CSMD1: variants seen among roughly 807,000 people sequenced by gnomAD.
CSMD1 encodes the protein CUB and sushi domain-containing protein 1.
A neutral mutation model predicts 417.5 loss-of-function variants in CSMD1; 213 were observed. The ratio of observed to expected loss-of-function variants is 0.51; its 90% CI spans 0.46 to 0.57. The LOEUF (loss-of-function observed/expected upper bound fraction) is 0.57. CSMD1 is among the 20% of genes least tolerant of loss of function. The probability of loss-of-function intolerance (pLI) is 0.00; values close to 1 mark genes in which losing one functional copy is unlikely to be tolerated. For missense variants in CSMD1, 6,923 were observed against 4,529.7 expected (o/e 1.53, Z -15.17); for synonymous variants, 2,862 against 1,736.8 (o/e 1.65, Z -16.11).
At chr8:4,169,001 C>T (rs935798335) in intron 3 of CSMD1, among the ~76,000 whole-genome samples, 4 of 152,236 alleles carry the variant, frequency 2.6e-5, no homozygotes, top group Admixed American at 1.3e-4. Flanking sequence ...ACTATCTTAT[C>T]AGCCGCTTAC....
intron 18 of CSMD1, among the ~76,000 whole-genome samples, chr8:3,382,526 TATAA>T (rs1484494806): frequency 1.6e-5 from 2 of 125,198 alleles, no homozygotes; most frequent in Admixed American, 9.3e-5. Context: ...TATAAATTTA[TATAA>T]ATATATATTT....
chr8:4,584,737 G>A (rs1220177464), intron 2 of CSMD1, among the ~76,000 whole-genome samples: 1 of 152,038 alleles, frequency 6.6e-6, no homozygotes, highest in Non-Finnish European at 1.5e-5. Flanking sequence ...TTGCCCTCTG[G>A]GTCCTAATGC....
chr8:3,480,313 G>C (rs189631530), intron 11 of CSMD1, among the ~76,000 whole-genome samples: 2 of 152,300 alleles, frequency 1.3e-5, no homozygotes, highest in African/African-American at 4.8e-5. Flanking sequence ...ATTGAGCACA[G>C]ATCGTGCCAC....
intron 1 of CSMD1, among the ~76,000 whole-genome samples, chr8:4,941,505 T>C (rs1807997826): frequency 6.6e-6 from 1 of 152,224 alleles, no homozygotes; most frequent in Non-Finnish European, 1.5e-5. Flanking sequence ...TCAACAGTTA[T>C]CTACACATGT....
chr8:4,451,876 T>G (rs943834740), intron 2 of CSMD1, among the ~76,000 whole-genome samples: 1 of 151,650 alleles, frequency 6.6e-6, no homozygotes, highest in Non-Finnish European at 1.5e-5. Context: ...TCAAACCTCA[T>G]GTGTTCTCTT....
chr8:4,242,939 T>C (rs1274590133), intron 3 of CSMD1, among the ~76,000 whole-genome samples: 1 of 152,240 alleles, frequency 6.6e-6, no homozygotes, highest in Non-Finnish European at 1.5e-5. Context: ...AAGATCAATA[T>C]ATAACATTGC....
intron 10 of CSMD1, among the ~76,000 whole-genome samples, chr8:3,501,694 T>TA (rs1335684626): frequency 3.3e-5 from 5 of 152,132 alleles, no homozygotes; most frequent in African/African-American, 1.2e-4. Flanking sequence ...AATTTCCTCA[T>TA]AAAAAACATG....
chr8:4,366,702 CT>C (rs751782332), intron 3 of CSMD1, among the ~76,000 whole-genome samples: 5 of 151,110 alleles, frequency 3.3e-5, no homozygotes, highest in African/African-American at 9.7e-5. Context: ...TTTTCTTTTT[CT>C]TTTATTTTAT....
intron 46 of CSMD1, among the ~76,000 whole-genome samples, chr8:3,100,377 G>C (rs1392585226): frequency 6.6e-6 from 1 of 152,176 alleles, no homozygotes; most frequent in Non-Finnish European, 1.5e-5. Flanking sequence ...TTGTTTTCTT[G>C]TGTTTCTTCT....
intron 3 of CSMD1, among the ~76,000 whole-genome samples, chr8:4,157,322 G>A (rs1455302173): frequency 1.3e-5 from 2 of 152,132 alleles, no homozygotes; most frequent in African/African-American, 2.4e-5. Flanking sequence ...AGCAACTCAG[G>A]GTGGGCAGAG....
At chr8:3,783,685 C>G (rs746486589) in intron 5 of CSMD1, among the ~76,000 whole-genome samples, 36 of 152,200 alleles carry the variant, frequency 2.4e-4, no homozygotes, top group Non-Finnish European at 3.5e-4. Flanking sequence ...GTTCAGCAGT[C>G]AAACGGAGGC....
chr8:3,309,229 C>T (rs1435341392), intron 23 of CSMD1, among the ~76,000 whole-genome samples: 1 of 152,142 alleles, frequency 6.6e-6, no homozygotes, highest in African/African-American at 2.4e-5. Context: ...TTTGCAGAAT[C>T]CTGACAGCCA....
chr8:3,168,613 G>A (rs1820380264), intron 37 of CSMD1, among the ~76,000 whole-genome samples: 1 of 144,038 alleles, frequency 6.9e-6, no homozygotes, highest in African/African-American at 2.6e-5. Context: ...CAGTGTGTAA[G>A]GAGTCAGTAA....
At chr8:3,444,200 G>C (rs1052950476) in intron 12 of CSMD1, among the ~76,000 whole-genome samples, 1 of 152,138 alleles carries the variant, frequency 6.6e-6, no homozygotes, top group South Asian at 2.1e-4. Context: ...GCCATTCAAG[G>C]AAGCCAAGAA....
intron 3 of CSMD1, among the ~76,000 whole-genome samples, chr8:4,205,623 G>C (rs956846828): frequency 2.0e-5 from 3 of 152,076 alleles, no homozygotes; most frequent in Non-Finnish European, 2.9e-5. Context: ...CCACCCAGGA[G>C]CCACACAGAG....
intron 5 of CSMD1, among the ~76,000 whole-genome samples, chr8:3,847,427 G>A (rs1042958722): frequency 5.9e-5 from 9 of 152,078 alleles, no homozygotes; most frequent in African/African-American, 7.2e-5. Context: ...AGTTGGCTGC[G>A]AGCAGTGGGC....
At chr8:4,437,379 C>G (rs947157135) in intron 2 of CSMD1, among the ~76,000 whole-genome samples, 3 of 152,102 alleles carry the variant, frequency 2.0e-5, no homozygotes, top group Non-Finnish European at 2.9e-5. Flanking sequence ...TGTATGTGAA[C>G]AACTTACTGT....
At chr8:3,822,484 T>C (rs940813458) in intron 5 of CSMD1, among the ~76,000 whole-genome samples, 1 of 152,212 alleles carries the variant, frequency 6.6e-6, no homozygotes, top group African/African-American at 2.4e-5. Context: ...AATTTCAGGA[T>C]AGACAAGAGC....
rs559049877 is a variant in CSMD1 at position 3,476,949 on chromosome 8, G to C, written c.1449-8125C>G. On this transcript the variant is annotated intron_variant, in intron 11 of 69. Transcript: ENST00000635120. ...AAAAAAAAATGTGAATCAGTAAGTA[G>C]TTCAGGGTTTAAGTTGGGGGAGCCT... Among the ~76,000 whole-genome samples, 17 of 150,358 alleles carry C rather than the reference G, an allele frequency of 1.1e-4. No homozygotes were observed. In the South Asian group the frequency reaches 2.5e-3, roughly 22 times the overall value.
Sources: allele counts gnomAD v4.1 joint callset (sites outside exome capture counted in the v4.1 genomes callset), GRCh38; gene constraint gnomAD v4.1.1; transcripts MANE v1.5; gene names NCBI Gene and HGNC (gene_info 2026-07-23, HGNC 2026-07-21).